Variants in LAMP5 observed in about 807,000 individuals in gnomAD.
The protein encoded by LAMP5 is lysosome associated membrane protein 5.
In LAMP5, 36 loss-of-function variants were observed where a neutral mutation model predicts 30.2. That is an observed-to-expected ratio of 1.19 (90% CI 0.91 to 1.57). The LOEUF is 1.57. LAMP5 is among the 40% of genes most tolerant of loss of function. The probability of loss-of-function intolerance (pLI) is 0.00; values close to 1 mark genes in which losing one functional copy is unlikely to be tolerated. For synonymous variants in LAMP5, 149 were observed against 134.6 expected (o/e 1.11, Z -0.74); for missense variants, 377 against 354.9 (o/e 1.06, Z -0.50).
At chr20:9,521,994 A>G (rs961405498) in intron 5 of LAMP5, among the ~76,000 whole-genome samples, 1 of 152,242 alleles carries the variant, frequency 6.6e-6, no homozygotes, top group Non-Finnish European at 1.5e-5. Flanking sequence ...ACAGAACTGC[A>G]GAAAGATACT....
Position 9,514,876 on chromosome 20 carries a change from C to T in LAMP5, c.24C>T (p.Val8=), listed in dbSNP as rs749287941. ...GTATGGATCTCCAAGGAAGAGGGGT[C>T]CCCAGCATCGACAGACTTCGAGTTC... is the stretch of plus-strand genomic sequence containing the variant. MDLQGRG[V]PSIDRLRVLL... is the part of the protein sequence containing the mutation. Residue 8 remains valine (V), a synonymous_variant, in exon 1 of 6, where the codon GTC becomes GTT. Transcript: ENST00000246070. 7 of 1,614,012 alleles carry T rather than the reference C, an allele frequency of 4.3e-6. No homozygotes were observed. Among genetic ancestry groups the T allele is most frequent in the Admixed American group, 3.3e-5 (2 of 59,996 alleles).
chr20:9,521,236 T>G (rs551192521), intron 5 of LAMP5, among the ~76,000 whole-genome samples: 5 of 152,124 alleles, frequency 3.3e-5, no homozygotes, highest in African/African-American at 1.2e-4. Flanking sequence ...TGTGTCCAGG[T>G]GACATCTGCT....
At position 9,514,753 on chromosome 20, in the gene LAMP5, C is replaced by T; in HGVS notation, c.-100C>T. 1 of 1,052,800 alleles carries T rather than the reference C, an allele frequency of 9.5e-7. No homozygotes were observed. The highest frequency in any genetic ancestry group is 1.4e-6 in the Non-Finnish European group (1 of 690,750). 65.2% of individuals were successfully genotyped at this position (1,052,800 alleles called of 1,614,324 possible). A position where few individuals can be genotyped will look rare whatever the true frequency, so the allele number is the denominator to read the frequency against. On this transcript the variant is annotated 5_prime_UTR_variant, in exon 1 of 6. Transcript: ENST00000246070. ...TCCCTCCCCCTTCTCTGTCCCCCGC[C>T]TCTCGCTCACCCCGGCCCACTCCAG... is the stretch of plus-strand genomic sequence containing the variant.
At chr20:9,518,289 G>T in intron 5 of LAMP5, 61 bp downstream of exon 5, 1 of 1,452,220 alleles carries the variant, frequency 6.9e-7, no homozygotes, top group South Asian at 1.2e-5. Flanking sequence ...GATGAGAGAG[G>T]GACCTACCAG....
intron 4 of LAMP5, 112 bp downstream of exon 4, chr20:9,516,473 C>A: frequency 2.3e-6 from 2 of 876,114 alleles, no homozygotes; most frequent in Non-Finnish European, 3.7e-6. Context: ...GGTCCCAGGC[C>A]AAGTCTTCCC....
intron 5 of LAMP5, among the ~76,000 whole-genome samples, chr20:9,518,745 T>C (rs1379817631): frequency 6.6e-6 from 1 of 152,282 alleles, no homozygotes; most frequent in African/African-American, 2.4e-5. Context: ...TTTCTTCTTG[T>C]TCTCTCGGAT....
At chr20:9,520,384 T>C (rs1452273634) in intron 5 of LAMP5, among the ~76,000 whole-genome samples, 1 of 152,164 alleles carries the variant, frequency 6.6e-6, no homozygotes, top group Non-Finnish European at 1.5e-5. Context: ...TTGTAAGAGA[T>C]CATTATTTTC....
intron 5 of LAMP5, among the ~76,000 whole-genome samples, chr20:9,518,879 G>A (rs1298384751): frequency 6.8e-6 from 1 of 147,760 alleles, no homozygotes; most frequent in East Asian, 2.0e-4. Flanking sequence ...TCTTCGTGAG[G>A]AGGATATCCT....
At chr20:9,517,617 A>ATGTGTGTGTGTGTGTGTG (rs1360512633) in intron 4 of LAMP5, among the ~76,000 whole-genome samples, 109 of 79,074 alleles carry the variant, frequency 1.4e-3, no homozygotes, top group African/African-American at 9.0e-3. Context: ...AATTTTGTAA[A>ATGTGTGTGTGTGTGTGTG]TGTATGTGTG....
At chr20:9,525,873 C>T (rs943589959) in intron 5 of LAMP5, among the ~76,000 whole-genome samples, 6 of 152,234 alleles carry the variant, frequency 3.9e-5, no homozygotes, top group Admixed American at 3.9e-4. Context: ...TGCTCCCAGA[C>T]ACAGCTCTTT....
chr20:9,524,625 A>G, intron 5 of LAMP5, among the ~76,000 whole-genome samples: 1 of 151,332 alleles, frequency 6.6e-6, no homozygotes, highest in East Asian at 2.0e-4. Flanking sequence ...AACAAACAAA[A>G]AAAACCTTGG....
chr20:9,515,945 GCC>G, intron 2 of LAMP5, 53 bp from the exon 3 acceptor site: 1 of 1,442,010 alleles, frequency 6.9e-7, no homozygotes, highest in South Asian at 1.6e-5. Context: ...GCCCTTTACA[GCC>G]CCCGCCCCGG....
chr20:9,516,739 T>G (rs2045043398), intron 4 of LAMP5, among the ~76,000 whole-genome samples: 1 of 152,208 alleles, frequency 6.6e-6, no homozygotes, highest in Non-Finnish European at 1.5e-5. Context: ...TTGTTTCTTA[T>G]GCGCTAAAAC....
At chr20:9,529,387 CTGGA>C (rs1434436268) in intron 5 of LAMP5, among the ~76,000 whole-genome samples, 1 of 152,164 alleles carries the variant, frequency 6.6e-6, no homozygotes, top group African/African-American at 2.4e-5. Flanking sequence ...AATAAGTTAT[CTGGA>C]TGTTTTGTTG....
chr20:9,524,967 A>G (rs1377235539), intron 5 of LAMP5, among the ~76,000 whole-genome samples: 1 of 152,174 alleles, frequency 6.6e-6, no homozygotes, highest in East Asian at 1.9e-4. Flanking sequence ...CTTACTGATT[A>G]GGGGTTGGTA....
At chr20:9,518,000 CA>C in intron 4 of LAMP5, 39 bp from the exon 5 acceptor site, 1 of 763,058 alleles carries the variant, frequency 1.3e-6, no homozygotes, top group Non-Finnish European at 1.8e-6. Context: ...AGGTTAGGAA[CA>C]ATGAGGGTTC....
rs867914784 is a variant in LAMP5, at chr20:9,529,993, G to A, written c.*173G>A. 1.8e-6 allele frequency: 1 copy of A among 560,284 alleles called. No individual in the cohort carries two copies. The allele number at this position is 560,284 out of a possible 1,614,324, so 34.7% of individuals were successfully genotyped here. A position where few individuals can be genotyped will look rare whatever the true frequency, so the allele number is the denominator to read the frequency against. On this transcript the variant is annotated 3_prime_UTR_variant, in exon 6 of 6. Coordinates refer to ENST00000246070, the MANE Select transcript of LAMP5 (RefSeq NM_012261.4). Reference sequence around the variant, plus strand: ...CATGCTTAAACCCACGGAAGGGGGAGACTCTTTCGGATTTGTAGGGTGAAA... The same window carrying A: ...CATGCTTAAACCCACGGAAGGGGGAAACTCTTTCGGATTTGTAGGGTGAAA...
chr20:9,516,210 C>T, intron 3 of LAMP5, 46 bp from the exon 4 acceptor site: 1 of 1,611,182 alleles, frequency 6.2e-7, no homozygotes, highest in Non-Finnish European at 8.5e-7. Context: ...GTTTAAGAAC[C>T]CAGACGCTGC....
At chr20:9,522,081 T>C (rs938405336) in intron 5 of LAMP5, among the ~76,000 whole-genome samples, 11 of 152,170 alleles carry the variant, frequency 7.2e-5, no homozygotes, top group African/African-American at 2.7e-4. Context: ...TCCTAGAACC[T>C]GTCTTTGGGT....
Sources: allele counts gnomAD v4.1 joint callset (sites outside exome capture counted in the v4.1 genomes callset), GRCh38; gene constraint gnomAD v4.1.1; transcripts MANE v1.5; gene names NCBI Gene and HGNC (gene_info 2026-07-23, HGNC 2026-07-21).